The following ANK2 variants were observed in gnomAD, a reference collection of about 807,000 sequenced individuals.
The protein encoded by ANK2 is ankyrin 2.
Under a neutral mutation model 360.5 loss-of-function variants are expected in ANK2, and 83 were observed. The observed-to-expected ratio is 0.23, with a 90% CI of 0.19 to 0.28. ANK2 has a LOEUF of 0.28. ANK2 is among the 10% of genes least tolerant of loss of function. The pLI is 1.00. For synonymous variants in ANK2, 1,740 were observed against 1,759.5 expected (o/e 0.99, Z 0.28); for missense variants, 4,201 against 4,795.7 (o/e 0.88, Z 3.66).
At chr4:113,151,720 A>G (rs528531597) in intron 1 of ANK2, among the ~76,000 whole-genome samples, 1 of 152,076 alleles carries the variant, frequency 6.6e-6, no homozygotes, top group Non-Finnish European at 1.5e-5. Context: ...TTGAATTGTT[A>G]TTCTCTATAT....
At chr4:113,338,714 T>A (rs2093889831) in intron 31 of ANK2, among the ~76,000 whole-genome samples, 1 of 151,934 alleles carries the variant, frequency 6.6e-6, no homozygotes, top group Non-Finnish European at 1.5e-5. Context: ...TATGCCCGGC[T>A]AATTTTTTGT....
the ANK2 span, among the ~76,000 whole-genome samples, chr4:112,732,791 A>T: frequency 6.6e-6 from 1 of 152,144 alleles, no homozygotes; most frequent in African/African-American, 2.4e-5. Context: ...AATAACACTC[A>T]GTGTTTCAGG....
chr4:112,739,285 C>T, the ANK2 span, among the ~76,000 whole-genome samples: 4 of 152,258 alleles, frequency 2.6e-5, no homozygotes, highest in South Asian at 2.1e-4. Flanking sequence ...CTTAGAAGCA[C>T]GCCACTGCGC....
At chr4:113,067,134 C>A (rs905803985) in intron 1 of ANK2, among the ~76,000 whole-genome samples, 1 of 42,414 alleles carries the variant, frequency 2.4e-5, no homozygotes, top group African/African-American at 1.6e-4. Context: ...GAAAACATGG[C>A]GAGATGTTTT....
At chr4:113,231,875 C>T (rs1447496673) in intron 4 of ANK2, among the ~76,000 whole-genome samples, 1 of 152,218 alleles carries the variant, frequency 6.6e-6, no homozygotes, top group Non-Finnish European at 1.5e-5. Flanking sequence ...TCTGGGATTA[C>T]AGGCATGAGC....
At chr4:113,120,623 G>A (rs1229770364) in intron 1 of ANK2, among the ~76,000 whole-genome samples, 1 of 151,970 alleles carries the variant, frequency 6.6e-6, no homozygotes, top group Non-Finnish European at 1.5e-5. Context: ...TATAAGTTCA[G>A]GGGTACATGT....
chr4:113,200,859 G>A (rs1321258582), intron 4 of ANK2, among the ~76,000 whole-genome samples: 6 of 151,976 alleles, frequency 3.9e-5, no homozygotes, highest in East Asian at 1.9e-4. Flanking sequence ...GACACAAGGC[G>A]GGGAACATCA....
At chr4:112,747,779 A>G in the ANK2 span, among the ~76,000 whole-genome samples, 2 of 152,234 alleles carry the variant, frequency 1.3e-5, no homozygotes, top group African/African-American at 4.8e-5. Flanking sequence ...TAAATACCAG[A>G]CTTTAACCCT....
chr4:113,332,688 C>T (rs929950756), intron 28 of ANK2, among the ~76,000 whole-genome samples: 4 of 152,248 alleles, frequency 2.6e-5, no homozygotes, highest in Non-Finnish European at 4.4e-5. Context: ...TAAACCATTT[C>T]GTCATTTTGC....
the ANK2 span, among the ~76,000 whole-genome samples, chr4:112,787,156 TA>T: frequency 2.0e-5 from 3 of 152,224 alleles, no homozygotes; most frequent in African/African-American, 4.8e-5. Flanking sequence ...TTTTGTTAAA[TA>T]TGCAATGGCA....
At chr4:113,073,815 G>A (rs75276034) in intron 1 of ANK2, among the ~76,000 whole-genome samples, 87 of 152,292 alleles carry the variant, frequency 5.7e-4, no homozygotes, top group African/African-American at 1.8e-3. Context: ...CCGCCTCTAC[G>A]CAGCATGCTG....
chr4:113,224,189 A>G (rs561874881), intron 4 of ANK2, among the ~76,000 whole-genome samples: 8 of 152,304 alleles, frequency 5.3e-5, no homozygotes, highest in African/African-American at 1.9e-4. Flanking sequence ...AGAGGAGGGA[A>G]ATTTGGCTCC....
chr4:113,310,572 A>G (rs1161971530), intron 23 of ANK2, among the ~76,000 whole-genome samples: 3 of 151,968 alleles, frequency 2.0e-5, no homozygotes, highest in Non-Finnish European at 4.4e-5. Context: ...ATGTGCCACC[A>G]CGCCCAGCTA....
At chr4:112,969,840 AAGCTG>A (rs967828647) in intron 2 of ANK2, among the ~76,000 whole-genome samples, 1 of 152,192 alleles carries the variant, frequency 6.6e-6, no homozygotes, top group Admixed American at 6.5e-5. Context: ...TCTCATATGT[AAGCTG>A]AGCTCTGTAG....
chr4:113,130,277 A>G (rs1375579309), intron 1 of ANK2, among the ~76,000 whole-genome samples: 2 of 151,808 alleles, frequency 1.3e-5, no homozygotes, highest in African/African-American at 2.4e-5. Context: ...TCCATTTCTC[A>G]TTTTCATTAA....
At chr4:113,317,629 C>T (rs1330599584) in intron 24 of ANK2, 78 bp from the exon 25 acceptor site, 1 of 1,114,154 alleles carries the variant, frequency 9.0e-7, no homozygotes, top group East Asian at 2.4e-5. Flanking sequence ...TTTCACTCTC[C>T]TGCTCGGCTC....
At position 112,934,881 on chromosome 4, in the gene ANK2, G is replaced by A. The variant is rs1409637545; in HGVS notation, c.21+30367G>A. On this transcript the variant is annotated intron_variant, in intron 2 of 30. Coordinates refer to the ANK2 transcript ENST00000503271. ...GAATAGGAAGGGCAGAGGAGGGGAT[G>A]TTCTTTATATAGGATAGACAGGAAG... 3.9e-5 allele frequency among the ~76,000 whole-genome samples: 6 copies of A among 152,304 alleles called. No individual in the cohort carries two copies. In the South Asian group the frequency reaches 1.2e-3, roughly 32 times the overall value.
At chr4:113,281,457 T>C (rs990491861) in intron 17 of ANK2, among the ~76,000 whole-genome samples, 2 of 152,036 alleles carry the variant, frequency 1.3e-5, no homozygotes, top group Non-Finnish European at 2.9e-5. Flanking sequence ...GGAGGATCAC[T>C]TGAGCCCAGG....
At chr4:112,908,581 T>A (rs2086055210) in intron 2 of ANK2, among the ~76,000 whole-genome samples, 1 of 152,178 alleles carries the variant, frequency 6.6e-6, no homozygotes, top group Non-Finnish European at 1.5e-5. Context: ...AAGGTTTATA[T>A]CCTTAGAACC....
Sources: gnomAD v4.1 joint callset for allele counts (sites outside exome capture counted in the v4.1 genomes callset) on GRCh38, gnomAD v4.1.1 for gene constraint, MANE v1.5 for transcripts, NCBI Gene and HGNC (gene_info 2026-07-23, HGNC 2026-07-21) for gene names.